Variants in HECA observed in about 807,000 individuals in gnomAD.
HECA encodes the protein headcase protein homolog.
HECA carries 13 observed loss-of-function variants against 37.6 expected under a neutral mutation model. The ratio of observed to expected loss-of-function variants is 0.35; its 90% confidence interval spans 0.23 to 0.55. The LOEUF (loss-of-function observed/expected upper bound fraction) is 0.55, where lower values mean the gene tolerates loss of function less well. Among genes scored for constraint, HECA ranks in the 20% least tolerant of loss-of-function variants. The pLI is 0.90. For missense variants in HECA, 527 were observed against 701.9 expected, an observed-to-expected ratio of 0.75 and a Z score of 2.82; for synonymous variants, 307 against 291.5, an observed-to-expected ratio of 1.05 and a Z score of -0.54.
chr6:139,136,985 G>T (rs2114429126), intron 1 of HECA, among the ~76,000 whole-genome samples: 1 of 152,344 alleles, frequency 6.6e-6, no homozygotes, highest in East Asian at 1.9e-4. Flanking sequence ...AGCGTACAGT[G>T]CTCTGAACAT....
rs1775114861 is a variant in HECA at position 139,180,167 on chromosome 6, T to TA, written c.*3063dup. On this transcript the variant is annotated 3_prime_UTR_variant, in exon 4 of 4. Coordinates refer to ENST00000367658, the MANE Select transcript of HECA (RefSeq NM_016217.3). ...CTTTCCTTAAATGCCCTTTAACTTC[T>TA]AGGTTTTGTTCAAGAAGTTCATTTT... is the stretch of plus-strand genomic sequence containing the variant. 2 of 152,228 alleles carry TA rather than the reference T, an allele frequency of 1.3e-5. No individual in the cohort carries two copies. The highest frequency in any genetic ancestry group is 1.3e-4 in the Admixed American group (2 of 15,284). 9.4% of individuals were successfully genotyped at this position (152,228 alleles called of 1,614,324 possible).
In HECA at chr6:139,176,227, G is replaced by A. The variant is rs796446754; in HGVS notation, c.1468-714G>A. Reference sequence around the variant, plus strand: ...TTCTAACCATGGTCTTTGGCATGGTGCTTTATCACATGTGCCTCAGTTGCA... The same window carrying A: ...TTCTAACCATGGTCTTTGGCATGGTACTTTATCACATGTGCCTCAGTTGCA... On this transcript the variant is annotated intron_variant, in intron 3 of 3. Transcript: ENST00000367658. The surrounding 1 kb of genome is among the most constrained non-coding windows in gnomAD (Gnocchi z 4.5). Among the ~76,000 whole-genome samples the A allele has an allele frequency of 1.6e-4, 25 of 152,284 alleles. No individual in the cohort carries two copies. Among genetic ancestry groups the A allele is most frequent in the African/African-American group, 5.8e-4 (24 of 41,550 alleles).
intron 3 of HECA, among the ~76,000 whole-genome samples, chr6:139,174,856 C>T (rs1341522208): frequency 1.3e-5 from 2 of 152,216 alleles, no homozygotes; most frequent in East Asian, 3.9e-4. Context: ...ACCAGATGGT[C>T]TCAGTGGTGG....
chr6:139,179,703 T>G lies in HECA; in HGVS notation c.*2598T>G, dbSNP rs1393383199. On this transcript the variant is annotated 3_prime_UTR_variant, in exon 4 of 4. Coordinates refer to ENST00000367658, the MANE Select transcript of HECA (RefSeq NM_016217.3). The stretch of plus-strand genomic sequence containing the variant: ...GATAAATCTTATTTTGGAAATCTAC[T>G]GACCTTAATACCCCAAGCTTGCCCT... 6.6e-6 allele frequency: 1 copy of G among 152,220 alleles called. No individual in the cohort carries two copies. The highest frequency in any genetic ancestry group is 2.1e-4 in the South Asian group (1 of 4,828). 9.4% of individuals were successfully genotyped at this position (152,220 alleles called of 1,614,324 possible). A position where few individuals can be genotyped will look rare whatever the true frequency, so the allele number is the denominator to read the frequency against.
chr6:139,180,741 G>A lies in HECA; in HGVS notation c.*3636G>A, dbSNP rs1386433069. 1 of 152,604 alleles carries A rather than the reference G, an allele frequency of 6.6e-6. No homozygotes were observed. The highest frequency in any genetic ancestry group is 1.5e-5 in the Non-Finnish European group (1 of 68,036). 9.5% of individuals were successfully genotyped at this position (152,604 alleles called of 1,614,324 possible). A position where few individuals can be genotyped will look rare whatever the true frequency, so the allele number is the denominator to read the frequency against. On this transcript the variant is annotated 3_prime_UTR_variant, in exon 4 of 4. Transcript: ENST00000367658. ...ACATTTGGTTGTGGAATTGTGTGTG[G>A]TTTTAGAGGGTTTCTGTTTGTGAAA...
chr6:139,148,870 A>C (rs1774615726), intron 1 of HECA, among the ~76,000 whole-genome samples: 1 of 152,086 alleles, frequency 6.6e-6, no homozygotes, highest in Non-Finnish European at 1.5e-5. Context: ...CCAGTGCTCA[A>C]TACCCGTCTC....
rs1409038574 is a variant in HECA, at chr6:139,166,625, T to G, written c.613T>G (p.Ser205Ala). 1 of 1,614,030 alleles carries G rather than the reference T, an allele frequency of 6.2e-7. No individual in the cohort carries two copies. The highest frequency in any genetic ancestry group is 1.7e-5 in the Admixed American group (1 of 60,014). Reference sequence around the variant, plus strand: ...GATGCAGGACGAGAAAAAGAAGAAGTCTGGCTCCGAGAAGAACACAGGGAG... The same window carrying G: ...GATGCAGGACGAGAAAAAGAAGAAGGCTGGCTCCGAGAAGAACACAGGGAG... ...KRMQDEKKKK[S>A]GSEKNTGRPP... The change falls in exon 2 of 4, where the codon TCT becomes GCT. Residue 205 changes from serine to alanine, a missense_variant. By Grantham distance (99) the Ser-to-Ala change is moderately conservative. Around this residue, in one of 4 missense-constraint regions of HECA, gnomAD observed 228 missense variants for 259.8 expected, o/e 0.88. Transcript: ENST00000367658.
chr6:139,177,285 C>G lies in HECA; in HGVS notation c.*180C>G, dbSNP rs1775065316. Reference sequence around the variant, plus strand: ...CCTGTCTTGATTCCCGAGTGTTAATCTGTGGTTTTGACCAGAGCCCAGATG... The same window carrying G: ...CCTGTCTTGATTCCCGAGTGTTAATGTGTGGTTTTGACCAGAGCCCAGATG... On this transcript the variant is annotated 3_prime_UTR_variant, in exon 4 of 4. Transcript: ENST00000367658. The surrounding 1 kb of genome is among the most constrained non-coding windows in gnomAD (Gnocchi z 4.9). The G allele has an allele frequency of 4.1e-6, 2 of 487,478 alleles. No individual in the cohort carries two copies. The highest frequency in any genetic ancestry group is 7.4e-6 in the Non-Finnish European group (2 of 271,586). The allele number at this position is 487,478 out of a possible 1,614,324, so 30.2% of individuals were successfully genotyped here. A position where few individuals can be genotyped will look rare whatever the true frequency, so the allele number is the denominator to read the frequency against.
chr6:139,170,903 A>G (rs1256394069), intron 2 of HECA, among the ~76,000 whole-genome samples: 1 of 152,064 alleles, frequency 6.6e-6, no homozygotes, highest in Non-Finnish European at 1.5e-5. Context: ...TGTGGACAGA[A>G]TGGAAGGGAG....
At chr6:139,145,991 A>G (rs1031255709) in intron 1 of HECA, among the ~76,000 whole-genome samples, 1 of 151,880 alleles carries the variant, frequency 6.6e-6, no homozygotes, top group East Asian at 1.9e-4. Flanking sequence ...TCAGCTCTTT[A>G]ATTTTTATGC....
At chr6:139,150,113 A>C (rs761333380) in intron 1 of HECA, among the ~76,000 whole-genome samples, 1 of 152,138 alleles carries the variant, frequency 6.6e-6, no homozygotes, top group Non-Finnish European at 1.5e-5. Flanking sequence ...GGAAGTTTGC[A>C]TGTTGTTGTA....
intron 1 of HECA, among the ~76,000 whole-genome samples, chr6:139,164,599 T>C (rs1016656486): frequency 2.6e-5 from 4 of 152,110 alleles, no homozygotes; most frequent in Admixed American, 6.5e-5. Context: ...AGAGTACTTA[T>C]TTTGGGGATT....
At chr6:139,161,543 C>G (rs1774802468) in intron 1 of HECA, among the ~76,000 whole-genome samples, 1 of 152,158 alleles carries the variant, frequency 6.6e-6, no homozygotes, top group South Asian at 2.1e-4. Flanking sequence ...GCTCTTAGCT[C>G]AAGACCTGGC....
intron 3 of HECA, 144 bp downstream of exon 3, chr6:139,174,683 G>A: frequency 8.3e-7 from 1 of 1,205,482 alleles, no homozygotes; most frequent in East Asian, 2.6e-5. Flanking sequence ...TAGTCATTTA[G>A]TGGAATACTA....
At chr6:139,168,219 A>G (rs1356085741) in intron 2 of HECA, among the ~76,000 whole-genome samples, 1 of 152,102 alleles carries the variant, frequency 6.6e-6, no homozygotes, top group African/African-American at 2.4e-5. Flanking sequence ...ACTGGCTTTG[A>G]AGGTGGATGA....
intron 1 of HECA, among the ~76,000 whole-genome samples, chr6:139,162,881 G>A (rs1774826215): frequency 6.6e-6 from 1 of 152,134 alleles, no homozygotes; most frequent in Non-Finnish European, 1.5e-5. Flanking sequence ...TGTATTCCCT[G>A]AGCTCATGAA....
Position 139,177,255 on chromosome 6 carries a change from C to G in HECA, c.*150C>G. ...GTGTGCCACTAAAATAGGGGCTGCC[C>G]TTGCCCTGTCTTGATTCCCGAGTGT... On this transcript the variant is annotated 3_prime_UTR_variant, in exon 4 of 4. Transcript: ENST00000367658. The surrounding 1 kb of genome is among the most constrained non-coding windows in gnomAD (Gnocchi z 4.9). 1.8e-6 allele frequency: 1 copy of G among 542,178 alleles called. No individual in the cohort carries two copies. Among genetic ancestry groups the G allele is most frequent in the Middle Eastern group, 5.0e-4 (1 of 1,998 alleles). The allele number at this position is 542,178 out of a possible 1,614,324, so 33.6% of individuals were successfully genotyped here.
At chr6:139,137,653 T>G (rs1774466203) in intron 1 of HECA, among the ~76,000 whole-genome samples, 1 of 129,118 alleles carries the variant, frequency 7.7e-6, no homozygotes, top group Non-Finnish European at 1.6e-5. Context: ...TTTTTTGGCC[T>G]ATGTGGAAGC....
At chr6:139,154,731 C>A (rs777007156) in intron 1 of HECA, among the ~76,000 whole-genome samples, 4 of 152,168 alleles carry the variant, frequency 2.6e-5, no homozygotes, top group Non-Finnish European at 4.4e-5. Flanking sequence ...TGGGGCTCAT[C>A]AAGAGAGAAG....
Sources: allele counts gnomAD v4.1 joint callset (sites outside exome capture counted in the v4.1 genomes callset), GRCh38; gene constraint gnomAD v4.1.1; regional missense constraint gnomAD v4.1.1; non-coding constraint Gnocchi (gnomAD v3.1); transcripts MANE v1.5; gene names NCBI Gene and HGNC (gene_info 2026-07-23, HGNC 2026-07-21).